ZNF335: variants seen among roughly 807,000 people sequenced by gnomAD.
ZNF335 encodes NRC-interacting factor 1.
In ZNF335, 84 loss-of-function variants were observed where a neutral mutation model predicts 145.6. That is an observed-to-expected ratio of 0.58 (90% CI 0.48 to 0.69). ZNF335 has a LOEUF of 0.69. Ranked by LOEUF, ZNF335 falls within the 30% of genes least tolerant of loss-of-function variation. The pLI is 0.00. For synonymous variants in ZNF335, 761 were observed against 717.0 expected, an observed-to-expected ratio of 1.06 and a Z score of -0.98; for missense variants, 1,865 against 1,809.7, an observed-to-expected ratio of 1.03 and a Z score of -0.55.
At chr20:45,959,732 C>T (rs972528767) in intron 14 of ZNF335, among the ~76,000 whole-genome samples, 3 of 152,160 alleles carry the variant, frequency 2.0e-5, no homozygotes, top group African/African-American at 7.2e-5. Flanking sequence ...TTTCTGTAAT[C>T]GCCCCTAGTG....
chr20:45,965,599 C>T (rs1568825153), intron 7 of ZNF335, 29 bp downstream of exon 7: 10 of 1,583,088 alleles, frequency 6.3e-6, no homozygotes, highest in South Asian at 1.1e-5. Flanking sequence ...GACCCACCCA[C>T]ACGAGCCCCT....
intron 7 of ZNF335, 66 bp downstream of exon 7, chr20:45,965,562 A>AG (rs1484647758): frequency 3.3e-6 from 5 of 1,534,580 alleles, no homozygotes; most frequent in Admixed American, 4.6e-5. Context: ...AACTCCACAG[A>AG]GACAAGCAGG....
Position 45,949,003 on chromosome 20 carries a change from G to A in ZNF335, c.3979C>T (p.Leu1327=). 6.2e-7 allele frequency: 1 copy of A among 1,613,984 alleles called. No homozygotes were observed. Among genetic ancestry groups the A allele is most frequent in the Non-Finnish European group, 8.5e-7 (1 of 1,180,042 alleles). The change falls in exon 28 of 28, where the codon CTG becomes TTG. Residue 1327 remains leucine, a synonymous_variant. Coordinates refer to ENST00000322927, the MANE Select transcript of ZNF335 (RefSeq NM_022095.4). ...DETVPEHIQQ[L]QHQGIEYDVI... is the part of the protein sequence containing the mutation. ...TCGTACTCGATGCCCTGGTGCTGCA[G>A]CTGTTGAATGTGTTCGGGCACTGTC...
Position 45,948,782 on chromosome 20 carries a change from GC to G in ZNF335, c.*170del. 1 of 1,027,764 alleles carries G rather than the reference GC, an allele frequency of 9.7e-7. No individual in the cohort carries two copies. Among genetic ancestry groups the G allele is most frequent in the Non-Finnish European group, 1.4e-6 (1 of 703,260 alleles). The allele number at this position is 1,027,764 out of a possible 1,614,324, so 63.7% of individuals were successfully genotyped here. On this transcript the variant is annotated 3_prime_UTR_variant, in exon 28 of 28. Coordinates refer to ENST00000322927, the MANE Select transcript of ZNF335 (RefSeq NM_022095.4). ...GGGCACCCAGCATGTCCTGGCTGGG[GC>G]CCATGGCTGCCCCTAACCCCAACAG...
chr20:45,967,446 G>A, intron 6 of ZNF335, 48 bp downstream of exon 6: 1 of 1,613,910 alleles, frequency 6.2e-7, no homozygotes, highest in Non-Finnish European at 8.5e-7. Context: ...CAGTGAGTAT[G>A]TCTAGATGGG....
rs766081631 is a variant in ZNF335 at position 45,963,490 on chromosome 20, G to A, written c.1516C>T (p.Arg506Cys). Residue 506 changes from arginine to cysteine, a missense_variant, in exon 9 of 28, where the codon CGC becomes TGC. Physicochemically the swap from Arg to Cys is radical, Grantham distance 180 (BLOSUM62 -3). Transcript: ENST00000322927. ...KCLQCSYRSR[R>C]WSSLKEHMFN... ...TCCCGCACCTTGAGCGAGGACCAGC[G>A]GCGGGAACGATAGCTGCACTGCAGG... 41 of 1,611,806 alleles carry A rather than the reference G, an allele frequency of 2.5e-5. No homozygotes were observed. The highest frequency in any genetic ancestry group is 3.1e-5 in the Non-Finnish European group (36 of 1,178,280).
At chr20:45,953,468 A>C (rs2083670243) in intron 18 of ZNF335, among the ~76,000 whole-genome samples, 1 of 152,168 alleles carries the variant, frequency 6.6e-6, no homozygotes. Context: ...GTCTCATGGG[A>C]ATGGCTTAGG....
intron 5 of ZNF335, 30 bp downstream of exon 5, chr20:45,967,704 G>T (rs1222428385): frequency 6.2e-7 from 1 of 1,608,242 alleles, no homozygotes; most frequent in Non-Finnish European, 8.5e-7. Context: ...TACCCATGCA[G>T]TCCAAGCAGG....
intron 27 of ZNF335, 35 bp from the exon 28 acceptor site, chr20:45,949,115 G>T: frequency 6.2e-7 from 1 of 1,613,432 alleles, no homozygotes; most frequent in Non-Finnish European, 8.5e-7. Flanking sequence ...TGAGCTGGAG[G>T]CTCAAGAGCT....
intron 18 of ZNF335, 122 bp downstream of exon 18, chr20:45,953,567 A>G: frequency 7.7e-7 from 1 of 1,303,442 alleles, no homozygotes; most frequent in Non-Finnish European, 1.1e-6. Context: ...CTCCACCACT[A>G]ATCACTTGAT....
At chr20:45,966,550 TC>T (rs1346539674) in intron 6 of ZNF335, among the ~76,000 whole-genome samples, 1 of 141,256 alleles carries the variant, frequency 7.1e-6, no homozygotes, top group African/African-American at 2.8e-5. Flanking sequence ...TCTTTTTCTT[TC>T]TTTTTTTTTT....
intron 2 of ZNF335, among the ~76,000 whole-genome samples, chr20:45,970,716 A>T (rs1419748067): frequency 2.0e-5 from 3 of 151,382 alleles, no homozygotes; most frequent in Non-Finnish European, 4.4e-5. Context: ...TCTCCCAGTA[A>T]ACTGGAGGCA....
intron 15 of ZNF335, 84 bp from the exon 16 acceptor site, chr20:45,958,012 T>G (rs1411878194): frequency 1.8e-6 from 2 of 1,097,218 alleles, no homozygotes; most frequent in Admixed American, 3.6e-5. Flanking sequence ...ATCTGCCAGA[T>G]GTTTTACATC....
At position 45,948,825 on chromosome 20, in the gene ZNF335, T is replaced by C. The variant is rs987502675; in HGVS notation, c.*128A>G. 2 of 1,475,802 alleles carry C rather than the reference T, an allele frequency of 1.4e-6. No homozygotes were observed. The highest frequency in any genetic ancestry group is 1.4e-5 in the African/African-American group (1 of 72,690). The allele number at this position is 1,475,802 out of a possible 1,614,324, so 91.4% of individuals were successfully genotyped here. The stretch of plus-strand genomic sequence containing the variant: ...CCCCAACAGCACAGGTCTGGCTCCC[T>C]GGGAATGAGAGGATGCTGGCTATCC... On this transcript the variant is annotated 3_prime_UTR_variant, in exon 28 of 28. Coordinates refer to ENST00000322927, the MANE Select transcript of ZNF335 (RefSeq NM_022095.4).
Position 45,957,855 on chromosome 20 carries a change from G to T in ZNF335, c.2327C>A (p.Ala776Asp). ...SLLCSDTLGG[A>D]TIIYQQGAEE... ...CTCACCTTGCTGGTAGATGATGGTG[G>T]CGCCGCCCAGGGTGTCAGAACAGAG... Residue 776 changes from alanine (A) to aspartate (D), a missense_variant, in exon 16 of 28, where the codon GCC becomes GAC. Coordinates refer to ENST00000322927, the MANE Select transcript of ZNF335 (RefSeq NM_022095.4). 6.2e-7 allele frequency: 1 copy of T among 1,613,952 alleles called. No homozygotes were observed. Among genetic ancestry groups the T allele is most frequent in the Non-Finnish European group, 8.5e-7 (1 of 1,180,004 alleles).
chr20:45,964,740 C>T (rs2083917925), intron 7 of ZNF335, among the ~76,000 whole-genome samples: 1 of 151,996 alleles, frequency 6.6e-6, no homozygotes, highest in South Asian at 2.1e-4. Flanking sequence ...GAAATAGAGA[C>T]TAAAGAATAC....
chr20:45,962,703 T>C lies in ZNF335; in HGVS notation c.1534-521A>G, dbSNP rs544853625. 2.0e-4 allele frequency among the ~76,000 whole-genome samples: 31 copies of C among 152,234 alleles called. No homozygotes were observed. In the South Asian group the frequency reaches 4.1e-3, roughly 20 times the overall value. ...GGGACTATGGACACCTACGACCTCATTGGGCTGCAATAAGGATTTAATTAT... is the reference window on the plus strand; with the variant it reads ...GGGACTATGGACACCTACGACCTCACTGGGCTGCAATAAGGATTTAATTAT... On this transcript the variant is annotated intron_variant, in intron 9 of 27. Coordinates refer to ENST00000322927, the MANE Select transcript of ZNF335 (RefSeq NM_022095.4).
intron 7 of ZNF335, 31 bp from the exon 8 acceptor site, chr20:45,964,021 C>T (rs1467661328): frequency 1.3e-6 from 2 of 1,512,216 alleles, no homozygotes; most frequent in Admixed American, 2.3e-5. Context: ...CACAAGCCAG[C>T]CACTGACACA....
chr20:45,949,783 A>C lies in ZNF335; in HGVS notation c.3669+17T>G, dbSNP rs1183038930. 35 of 1,613,900 alleles carry C rather than the reference A, an allele frequency of 2.2e-5. No individual in the cohort carries two copies. The highest frequency in any genetic ancestry group is 2.9e-5 in the Non-Finnish European group (34 of 1,179,868). On this transcript the variant is annotated intron_variant, in intron 24 of 27. Transcript: ENST00000322927. ...GGAGGTCACAGCTGAGGGGATTAAC[A>C]GTAGCTAGTAGCTCACCTGGTTGTC...
Sources: allele counts gnomAD v4.1 joint callset (sites outside exome capture counted in the v4.1 genomes callset), GRCh38; gene constraint gnomAD v4.1.1; transcripts MANE v1.5; gene names NCBI Gene and HGNC (gene_info 2026-07-23, HGNC 2026-07-21).